CCDC88A: variants seen among roughly 807,000 people sequenced by gnomAD.
CCDC88A encodes the protein girdin.
CCDC88A carries 54 observed loss-of-function variants against 234.3 expected under a neutral mutation model. The observed-to-expected ratio is 0.23, with a 90% CI of 0.19 to 0.29. The LOEUF (loss-of-function observed/expected upper bound fraction) is 0.29. CCDC88A is among the 10% of genes least tolerant of loss of function. CCDC88A has a pLI of 1.00. For synonymous variants in CCDC88A, 753 were observed against 737.8 expected (o/e 1.02, Z -0.33); for missense variants, 1,832 against 2,123.4 (o/e 0.86, Z 2.70).
chr2:55,343,517 G>A, intron 12 of CCDC88A, 131 bp downstream of exon 12: 1 of 669,814 alleles, frequency 1.5e-6, no homozygotes, highest in African/African-American at 1.8e-5. Flanking sequence ...ATATTACTGT[G>A]TGAAATCATA....
At chr2:55,385,980 T>C (rs1033736111) in intron 3 of CCDC88A, among the ~76,000 whole-genome samples, 6 of 151,288 alleles carry the variant, frequency 4.0e-5, no homozygotes, top group Non-Finnish European at 5.9e-5. Context: ...TCCCAACACT[T>C]TGGGAGGCCG....
At chr2:55,374,334 C>CTCTA (rs1172449473) in intron 4 of CCDC88A, among the ~76,000 whole-genome samples, 1 of 152,140 alleles carries the variant, frequency 6.6e-6, no homozygotes, top group Admixed American at 6.5e-5. Context: ...TGCCATTGCA[C>CTCTA]TCTAGCCTGG....
intron 29 of CCDC88A, among the ~76,000 whole-genome samples, chr2:55,297,340 T>TTATATATTATATATAAATATATAA (rs1680226515): frequency 8.1e-5 from 3 of 36,844 alleles, no homozygotes; most frequent in East Asian, 1.7e-3. Context: ...ATATATAAAT[T>TTATATATTATATATAAATATATAA]TATATATTAT....
At chr2:55,409,941 A>G (rs1300762004) in intron 2 of CCDC88A, among the ~76,000 whole-genome samples, 1 of 151,866 alleles carries the variant, frequency 6.6e-6, no homozygotes, top group Non-Finnish European at 1.5e-5. Flanking sequence ...GGGTTTCACC[A>G]TATTGGCCAG....
chr2:55,337,392 T>C (rs555995879), intron 13 of CCDC88A: 39 of 152,308 alleles, frequency 2.6e-4, no homozygotes, highest in African/African-American at 8.7e-4. Flanking sequence ...GTAGTTAATA[T>C]GTACAAAATA....
chr2:55,389,882 AATACAAAAATT>A (rs1676318650), intron 2 of CCDC88A, among the ~76,000 whole-genome samples: 1 of 151,820 alleles, frequency 6.6e-6, no homozygotes, highest in Non-Finnish European at 1.5e-5. Context: ...CTGTATTAAA[AATACAAAAATT>A]AGCCAGGTGT....
chr2:55,367,439 C>A (rs1027723959), intron 5 of CCDC88A, among the ~76,000 whole-genome samples: 2 of 150,894 alleles, frequency 1.3e-5, no homozygotes, highest in Non-Finnish European at 2.9e-5. Flanking sequence ...ATACTTGTAT[C>A]AACAAAAGTC....
chr2:55,301,807 A>G (rs1680931921), intron 27 of CCDC88A, 65 bp downstream of exon 27: 27 of 1,381,206 alleles, frequency 2.0e-5, no homozygotes, highest in Non-Finnish European at 2.6e-5. Context: ...TACACAGGGA[A>G]AAGTCAAATT....
chr2:55,296,342 G>C lies in CCDC88A; in HGVS notation c.5007C>G (p.His1669Gln). 6.2e-7 allele frequency: 1 copy of C among 1,614,152 alleles called. No individual in the cohort carries two copies. Among genetic ancestry groups the C allele is most frequent in the Non-Finnish European group, 8.5e-7 (1 of 1,179,994 alleles). Reference sequence around the variant, plus strand: ...TTCCAGGGGAACCAGTTTTGATCTTGTGATGTCGACTCTCCAGTGTTTCAG... The same window carrying C: ...TTCCAGGGGAACCAGTTTTGATCTTCTGATGTCGACTCTCCAGTGTTTCAG... ...KISETLESRHHKIKTGSPGSE... is the reference protein window; with the variant it reads ...KISETLESRHQKIKTGSPGSE... Residue 1669 changes from histidine (H) to glutamine (Q), a missense_variant, in exon 30 of 33, where the codon CAC becomes CAG. By Grantham distance (24) the His-to-Gln change is conservative (BLOSUM62 0). Coordinates refer to ENST00000436346, the MANE Select transcript of CCDC88A (RefSeq NM_001365480.1).
At chr2:55,412,280 G>T in intron 2 of CCDC88A, among the ~76,000 whole-genome samples, 1 of 152,126 alleles carries the variant, frequency 6.6e-6, no homozygotes, top group Non-Finnish European at 1.5e-5. Flanking sequence ...TCATAAGGAA[G>T]AAAACAACTC....
intron 18 of CCDC88A, among the ~76,000 whole-genome samples, chr2:55,322,290 C>T (rs1438234209): frequency 1.3e-5 from 2 of 152,142 alleles, no homozygotes; most frequent in Non-Finnish European, 2.9e-5. Context: ...AGACCTTCTG[C>T]AGGACATATG....
At chr2:55,409,916 T>A (rs1158360015) in intron 2 of CCDC88A, among the ~76,000 whole-genome samples, 1 of 151,862 alleles carries the variant, frequency 6.6e-6, no homozygotes, top group African/African-American at 2.4e-5. Context: ...AATTTTTGTA[T>A]TTTTATTAGA....
chr2:55,358,829 T>C (rs181334622), intron 7 of CCDC88A, among the ~76,000 whole-genome samples: 2 of 152,268 alleles, frequency 1.3e-5, no homozygotes, highest in Admixed American at 6.5e-5. Context: ...ATGGTTCCTC[T>C]GTCCAAGGAC....
At chr2:55,353,323 A>G (rs1670134428) in intron 8 of CCDC88A, among the ~76,000 whole-genome samples, 2 of 152,198 alleles carry the variant, frequency 1.3e-5, no homozygotes, top group Non-Finnish European at 2.9e-5. Flanking sequence ...TATATGGAGC[A>G]AACTAGTGTT....
Position 55,332,664 on chromosome 2 carries a change from T to C in CCDC88A, c.2757A>G (p.Gln919=), listed in dbSNP as rs542447642. 2 of 1,613,566 alleles carry C rather than the reference T, an allele frequency of 1.2e-6. No individual in the cohort carries two copies. The highest frequency in any genetic ancestry group is 1.7e-6 in the Non-Finnish European group (2 of 1,179,720). The change falls in exon 16 of 33, where the codon CAA becomes CAG. Residue 919 remains glutamine, a synonymous_variant. Coordinates refer to ENST00000436346, the MANE Select transcript of CCDC88A (RefSeq NM_001365480.1). This position sits in a 1 kb window ranked among gnomAD's most constrained non-coding sequence, Gnocchi z 4.5. The part of the protein sequence containing the change: ...EDLVSEKLKT[Q]QMNNDLEKLT... ...ATTTTTCGAGATCATTGTTCATCTG[T>C]TGGGTCTTCAACTTTTCACTCACCA... is the stretch of plus-strand genomic sequence containing the variant.
intron 17 of CCDC88A, among the ~76,000 whole-genome samples, chr2:55,325,610 A>G (rs773752683): frequency 4.6e-5 from 7 of 152,210 alleles, no homozygotes; most frequent in Non-Finnish European, 8.8e-5. Flanking sequence ...TTCCTGATTA[A>G]AGGGGGAAAG....
chr2:55,356,230 A>G (rs544596629), intron 7 of CCDC88A: 1 of 152,366 alleles, frequency 6.6e-6, no homozygotes, highest in Non-Finnish European at 1.5e-5. Context: ...GCTTCCACTT[A>G]TAAGTGAGAA....
At position 55,409,738 on chromosome 2, in the gene CCDC88A, CTTTTTTTTT is replaced by C. The variant is rs61703330; in HGVS notation, c.164+9069_164+9077del. 6.2e-3 allele frequency among the ~76,000 whole-genome samples: 690 copies of C among 111,684 alleles called. 9 individuals carry two copies. The highest frequency in any genetic ancestry group is 0.025 in the African/African-American group (599 of 23,988). The allele number at this position is 111,684 out of a possible 152,430, so 73.3% of individuals were successfully genotyped here. Reference sequence around the variant, plus strand: ...CAGGGGGATGTGCCTATATACCTCCCTTTTTTTTTTTTTTTTTTTTTTCAGACAGAGTCT... The same window carrying C: ...CAGGGGGATGTGCCTATATACCTCCCTTTTTTTTTTTTTCAGACAGAGTCT... On this transcript the variant is annotated intron_variant, in intron 2 of 32. Transcript: ENST00000436346.
chr2:55,382,346 T>C (rs917700043), intron 3 of CCDC88A, among the ~76,000 whole-genome samples: 2 of 152,208 alleles, frequency 1.3e-5, no homozygotes, highest in African/African-American at 4.8e-5. Context: ...ATACAAACAT[T>C]TCCTAATAAA....
Sources: allele counts gnomAD v4.1 joint callset (sites outside exome capture counted in the v4.1 genomes callset), GRCh38; gene constraint gnomAD v4.1.1; non-coding constraint Gnocchi (gnomAD v3.1); transcripts MANE v1.5; gene names NCBI Gene and HGNC (gene_info 2026-07-23, HGNC 2026-07-21).